Variants in C7 observed in about 807,000 individuals in gnomAD.
C7 encodes the protein complement component C7.
A neutral mutation model predicts 104.8 loss-of-function variants in C7; 83 were observed. That is an observed-to-expected ratio of 0.79 (90% CI 0.66 to 0.95). C7 has a LOEUF of 0.95. Among genes scored for constraint, C7 ranks in the 40% least tolerant of loss-of-function variants. The pLI is 0.00. For missense variants in C7, 1,070 were observed against 1,011.2 expected (o/e 1.06, Z -0.79); for synonymous variants, 415 against 360.6 (o/e 1.15, Z -1.71).
intron 16 of C7, 84 bp from the exon 17 acceptor site, chr5:40,979,641 G>A (rs1259774547): frequency 1.8e-6 from 2 of 1,133,866 alleles, no homozygotes; most frequent in Non-Finnish European, 2.5e-6. Context: ...GGGGCACTAA[G>A]CTCAGAGCAT....
chr5:40,945,649 G>C (rs1426717902), intron 7 of C7, among the ~76,000 whole-genome samples: 1 of 151,778 alleles, frequency 6.6e-6, no homozygotes, highest in East Asian at 1.9e-4. Flanking sequence ...GCTTGAGCTT[G>C]AGCTCAGGAA....
At chr5:40,952,763 C>A (rs115548220) in intron 9 of C7, among the ~76,000 whole-genome samples, 2 of 151,682 alleles carry the variant, frequency 1.3e-5, no homozygotes, top group Admixed American at 6.6e-5. Context: ...TTTGTCCTTG[C>A]GAACTGGATT....
rs912763228 is a variant in C7, at chr5:40,930,184, C to G, written c.63-880C>G. 2.0e-5 allele frequency among the ~76,000 whole-genome samples: 3 copies of G among 149,850 alleles called. No individual in the cohort carries two copies. The Admixed American group carries it at 2.0e-4, about 10-fold the overall frequency. ...TCTGTGTCTCTGTCCTTCCTTCTAT[C>G]AATAGTCAATGACCTACCTCTTTTT... On this transcript the variant is annotated intron_variant, in intron 2 of 17. Coordinates refer to ENST00000313164, the MANE Select transcript of C7 (RefSeq NM_000587.4).
At chr5:40,933,726 A>T (rs947241282) in intron 3 of C7, among the ~76,000 whole-genome samples, 2 of 152,284 alleles carry the variant, frequency 1.3e-5, no homozygotes, top group Admixed American at 6.5e-5. Flanking sequence ...AGCTGAAAGG[A>T]ATCACCATCA....
Position 40,934,444 on chromosome 5 carries a change from A to AGAGC in C7, c.260_263dup (p.Phe89AlafsTer21). The AGAGC allele has an allele frequency of 1.2e-6, 2 of 1,613,774 alleles. No homozygotes were observed. The highest frequency in any genetic ancestry group is 1.7e-6 in the Non-Finnish European group (2 of 1,179,702). ...GATGTCCAACAGAGGAGGGATGTGG[A>AGAGC]GAGCGTTTCAGGTGCTTTTCAGGTA... On this transcript the variant is annotated frameshift_variant, in exon 4 of 18. Transcript: ENST00000313164. LOFTEE classifies it high-confidence loss of function.
intron 3 of C7, 84 bp from the exon 4 acceptor site, chr5:40,934,241 T>A (rs1274065721): frequency 7.7e-7 from 1 of 1,295,450 alleles, no homozygotes; most frequent in African/African-American, 1.5e-5. Context: ...TTTTCTCAGA[T>A]TTTATTACTC....
chr5:40,982,875 A>G lies in C7; in HGVS notation c.*1302A>G, dbSNP rs14190. 0.18 allele frequency: 27,444 copies of G among 152,372 alleles called. 2,973 individuals are homozygous for G. Among genetic ancestry groups the G allele is most frequent in the Middle Eastern group, 0.36 (107 of 294 alleles). 9.4% of individuals were successfully genotyped at this position (152,372 alleles called of 1,614,324 possible). A position where few individuals can be genotyped will look rare whatever the true frequency, so the allele number is the denominator to read the frequency against. On this transcript the variant is annotated 3_prime_UTR_variant, in exon 18 of 18. Transcript: ENST00000313164. ...ATCTCTGTATTGTTCTGACCCTGGT[A>G]AATATATTTCAAAACTTCAGATGAC...
intron 12 of C7, among the ~76,000 whole-genome samples, 185 bp downstream of exon 12, chr5:40,959,805 GA>G (rs1179735771): frequency 6.6e-6 from 1 of 152,200 alleles, no homozygotes; most frequent in Non-Finnish European, 1.5e-5. Flanking sequence ...AGGTTTTCCT[GA>G]AACAAGTGTT....
At chr5:40,970,654 A>G (rs1561258551) in intron 14 of C7, among the ~76,000 whole-genome samples, 1 of 152,056 alleles carries the variant, frequency 6.6e-6, no homozygotes, top group Non-Finnish European at 1.5e-5. Context: ...GGTTTGTTAC[A>G]TAGGTATATA....
chr5:40,918,562 C>T (rs924374410), intron 1 of C7, among the ~76,000 whole-genome samples: 8 of 152,018 alleles, frequency 5.3e-5, no homozygotes, highest in Admixed American at 5.2e-4. Flanking sequence ...ACTCACCTCA[C>T]TTTTAAGGGC....
rs1160650902 is a variant in C7, at chr5:40,934,205, GA to G, written c.139-119del. On this transcript the variant is annotated intron_variant, in intron 3 of 17. Coordinates refer to ENST00000313164, the MANE Select transcript of C7 (RefSeq NM_000587.4). ...TGTAGAACACCAGAACAATTTTCCA[GA>G]CGTTGTTTTTCTAATTGTATTACTT... 19 of 1,021,090 alleles carry G rather than the reference GA, an allele frequency of 1.9e-5. No individual in the cohort carries two copies. The East Asian group carries it at 5.1e-4, about 27-fold the overall frequency. The allele number at this position is 1,021,090 out of a possible 1,614,324, so 63.3% of individuals were successfully genotyped here.
rs777914889 is a variant in C7, at chr5:40,955,427, A to AG, written c.1139dup (p.Gly381ArgfsTer9). On this transcript the variant is annotated frameshift_variant, in exon 10 of 18. Transcript: ENST00000313164. LOFTEE classifies it high-confidence loss of function. ...TATTGCGAGGAGAACCGTTCATCAG[A>AG]GGGGGAGGTGCAGGCTTCATATCTG... 1 of 1,612,166 alleles carries AG rather than the reference A, an allele frequency of 6.2e-7. No individual in the cohort carries two copies. Among genetic ancestry groups the AG allele is most frequent in the South Asian group, 1.1e-5 (1 of 90,606 alleles).
intron 9 of C7, 39 bp from the exon 10 acceptor site, chr5:40,955,348 G>A (rs773371531): frequency 1.3e-6 from 2 of 1,552,496 alleles, no homozygotes; most frequent in East Asian, 4.7e-5. Context: ...TTAAATACTT[G>A]ATAGACTTTT....
intron 14 of C7, among the ~76,000 whole-genome samples, chr5:40,969,597 G>T (rs1740646622): frequency 1.3e-5 from 2 of 152,128 alleles, no homozygotes; most frequent in Admixed American, 6.6e-5. Context: ...CAAGGATGTG[G>T]CCATTAAGGG....
At chr5:40,924,689 C>T (rs932761472) in intron 1 of C7, among the ~76,000 whole-genome samples, 9 of 152,202 alleles carry the variant, frequency 5.9e-5, no homozygotes, top group Admixed American at 2.6e-4. Flanking sequence ...GCCTCCTTCA[C>T]TCTTGCACTA....
intron 12 of C7, among the ~76,000 whole-genome samples, chr5:40,961,795 T>C (rs1273527731): frequency 6.6e-6 from 1 of 152,164 alleles, no homozygotes; most frequent in Non-Finnish European, 1.5e-5. Flanking sequence ...AAGCAGACAG[T>C]AGTATGTTGG....
At chr5:40,918,379 CACA>C (rs903337031) in intron 1 of C7, among the ~76,000 whole-genome samples, 1 of 151,644 alleles carries the variant, frequency 6.6e-6, no homozygotes, top group African/African-American at 2.4e-5. Flanking sequence ...TCTACAATAC[CACA>C]ACAACAACAA....
At chr5:40,914,073 C>G (rs1056933436) in intron 1 of C7, among the ~76,000 whole-genome samples, 3 of 152,206 alleles carry the variant, frequency 2.0e-5, no homozygotes, top group African/African-American at 7.2e-5. Context: ...AAGCAATCCT[C>G]CTGCCTTGTC....
rs926246341 is a variant in C7, at chr5:40,937,538, C to T, written c.429-14C>T. On this transcript the variant is annotated splice_polypyrimidine_tract_variant and intron_variant, in intron 5 of 17. Coordinates refer to ENST00000313164, the MANE Select transcript of C7 (RefSeq NM_000587.4). ...CTTTTTATTTCCTCCTTCTCCTCCT[C>T]CTCCTTTTAACAGTTACAATGAACT... The T allele has an allele frequency of 6.3e-7, 1 of 1,581,302 alleles. No individual in the cohort carries two copies. The highest frequency in any genetic ancestry group is 8.6e-7 in the Non-Finnish European group (1 of 1,165,506).
Sources: allele counts gnomAD v4.1 joint callset (sites outside exome capture counted in the v4.1 genomes callset), GRCh38; gene constraint gnomAD v4.1.1; transcripts MANE v1.5; gene names NCBI Gene and HGNC (gene_info 2026-07-23, HGNC 2026-07-21).